Variants in DCPS observed in about 807,000 individuals in gnomAD.
DCPS encodes the protein m7GpppX diphosphatase.
DCPS carries 27 observed loss-of-function variants against 34.7 expected under a neutral mutation model. The observed-to-expected ratio is 0.78, with a 90% confidence interval of 0.57 to 1.07. The LOEUF is 1.07. Ranked by LOEUF, DCPS falls within the 50% of genes least tolerant of loss-of-function variation. The pLI is 0.00. For synonymous variants in DCPS, 185 were observed against 185.7 expected, an observed-to-expected ratio of 1.00 and a Z score of 0.03; for missense variants, 464 against 436.9, an observed-to-expected ratio of 1.06 and a Z score of -0.55.
At chr11:126,324,655 T>C (rs1951728336) in intron 2 of DCPS, among the ~76,000 whole-genome samples, 1 of 124,098 alleles carries the variant, frequency 8.1e-6, no homozygotes, top group South Asian at 2.7e-4. Flanking sequence ...TTTTTTTTTT[T>C]GGTAAAGACG....
At position 126,331,697 on chromosome 11, in the gene DCPS, C is replaced by T. The variant is rs1951795246; in HGVS notation, c.522+147C>T. 2 of 988,562 alleles carry T rather than the reference C, an allele frequency of 2.0e-6. No homozygotes were observed. Among genetic ancestry groups the T allele is most frequent in the Admixed American group, 5.6e-5 (2 of 35,432 alleles). The allele number at this position is 988,562 out of a possible 1,614,324, so 61.2% of individuals were successfully genotyped here. On this transcript the variant is annotated intron_variant, in intron 3 of 5. Transcript: ENST00000263579. This position sits in a 1 kb window ranked among gnomAD's most constrained non-coding sequence, Gnocchi z 7.2. ...AGTAGAGAGCATGGCGGACAGAATC[C>T]CCACCTCGTGCAGCTTACATCCCAT...
In DCPS at chr11:126,331,320, G is replaced by T; in HGVS notation, c.377-85G>T. On this transcript the variant is annotated intron_variant, in intron 2 of 5. Coordinates refer to ENST00000263579, the MANE Select transcript of DCPS (RefSeq NM_014026.6). This position sits in a 1 kb window ranked among gnomAD's most constrained non-coding sequence, Gnocchi z 7.2. ...CTTCCCTCAGGGAATCAAAGCCAGG[G>T]TGGGAGTTCTCTCCTCACCGTGGTG... The T allele has an allele frequency of 6.4e-7, 1 of 1,552,958 alleles. No homozygotes were observed. Among genetic ancestry groups the T allele is most frequent in the Non-Finnish European group, 8.7e-7 (1 of 1,148,126 alleles).
In DCPS at chr11:126,345,454, C is replaced by G. The variant is rs368589401; in HGVS notation, c.855C>G (p.Phe285Leu). ...HLHVHFTALGFEAPGSGVERA... is the reference protein window; with the variant it reads ...HLHVHFTALGLEAPGSGVERA... Reference sequence around the variant, plus strand: ...ATGTGCACTTCACCGCCCTGGGCTTCGAGGCCCCCGGCTCAGGCGTGGAGC... The same window carrying G: ...ATGTGCACTTCACCGCCCTGGGCTTGGAGGCCCCCGGCTCAGGCGTGGAGC... Residue 285 changes from phenylalanine to leucine, a missense_variant, in exon 6 of 6, where the codon TTC becomes TTG. Phe to Leu is a conservative substitution (Grantham distance 22, BLOSUM62 0). Coordinates refer to ENST00000263579, the MANE Select transcript of DCPS (RefSeq NM_014026.6). The surrounding 1 kb of genome is among the most constrained non-coding windows in gnomAD (Gnocchi z 7.4). 1.7e-5 allele frequency: 28 copies of G among 1,614,176 alleles called. No individual in the cohort carries two copies. Among genetic ancestry groups the G allele is most frequent in the Non-Finnish European group, 2.3e-5 (27 of 1,180,022 alleles).
chr11:126,345,434 C>T lies in DCPS; in HGVS notation c.835C>T (p.His279Tyr), dbSNP rs1428588154. The T allele has an allele frequency of 3.7e-6, 6 of 1,614,238 alleles. No individual in the cohort carries two copies. Among genetic ancestry groups the T allele is most frequent in the South Asian group, 1.1e-5 (1 of 91,080 alleles). Residue 279 changes from histidine to tyrosine, a missense_variant, in exon 6 of 6, where the codon CAC becomes TAC. By Grantham distance (83) the His-to-Tyr change is moderately conservative (BLOSUM62 2). Transcript: ENST00000263579. This position sits in a 1 kb window ranked among gnomAD's most constrained non-coding sequence, Gnocchi z 7.4. Reference sequence around the variant, plus strand: ...GCCCTCCTACTACCACCTGCATGTGCACTTCACCGCCCTGGGCTTCGAGGC... The same window carrying T: ...GCCCTCCTACTACCACCTGCATGTGTACTTCACCGCCCTGGGCTTCGAGGC... ...YLPSYYHLHV[H>Y]FTALGFEAPG...
Position 126,331,765 on chromosome 11 carries a change from T to A in DCPS, c.522+215T>A, listed in dbSNP as rs1027910596. ...GTGACCATACACAGATATCTCAGGATCTATGTGCTCTGTGAGATAATGAGG... is the reference window on the plus strand; with the variant it reads ...GTGACCATACACAGATATCTCAGGAACTATGTGCTCTGTGAGATAATGAGG... On this transcript the variant is annotated intron_variant, in intron 3 of 5. Transcript: ENST00000263579. This position sits in a 1 kb window ranked among gnomAD's most constrained non-coding sequence, Gnocchi z 7.2. Among the ~76,000 whole-genome samples the A allele has an allele frequency of 3.9e-5, 6 of 152,072 alleles. No individual in the cohort carries two copies. The highest frequency in any genetic ancestry group is 5.9e-5 in the Non-Finnish European group (4 of 68,022).
chr11:126,315,003 A>C lies in DCPS; in HGVS notation c.376+8259A>C, dbSNP rs1951647345. On this transcript the variant is annotated intron_variant, in intron 2 of 5. Coordinates refer to ENST00000263579, the MANE Select transcript of DCPS (RefSeq NM_014026.6). This position sits in a 1 kb window ranked among gnomAD's most constrained non-coding sequence, Gnocchi z 6.1. ...ATAAAAAAATAAAAAAATTTAAAAA[A>C]ATTGCTCTACCGTAAAGACACATGC... Among the ~76,000 whole-genome samples the C allele has an allele frequency of 6.6e-6, 1 of 152,122 alleles. No homozygotes were observed. The highest frequency in any genetic ancestry group is 2.1e-4 in the South Asian group (1 of 4,830).
intron 2 of DCPS, among the ~76,000 whole-genome samples, chr11:126,316,904 C>T (rs1215058466): frequency 2.7e-5 from 4 of 150,790 alleles, no homozygotes; most frequent in Admixed American, 6.6e-5. Context: ...GATCTGCCCA[C>T]CTCAGCCTGC....
In DCPS at chr11:126,327,710, T is replaced by C. The variant is rs185808365; in HGVS notation, c.377-3695T>C. On this transcript the variant is annotated intron_variant, in intron 2 of 5. Coordinates refer to ENST00000263579, the MANE Select transcript of DCPS (RefSeq NM_014026.6). The surrounding 1 kb of genome is among the most constrained non-coding windows in gnomAD (Gnocchi z 4.1). ...AATATATTGATTTGTATCAGAGAGG[T>C]TTTATTTCATCTGGGACAAAAATGC... Among the ~76,000 whole-genome samples, 1 of 152,138 alleles carries C rather than the reference T, an allele frequency of 6.6e-6. No individual in the cohort carries two copies. Among genetic ancestry groups the C allele is most frequent in the African/African-American group, 2.4e-5 (1 of 41,420 alleles).
intron 5 of DCPS, among the ~76,000 whole-genome samples, chr11:126,343,942 T>TG (rs1198794823): frequency 6.6e-6 from 1 of 152,082 alleles, no homozygotes; most frequent in Admixed American, 6.5e-5. Flanking sequence ...CACGGGGAGA[T>TG]GGGGGAAGAG....
rs1424069137 is a variant in DCPS, at chr11:126,334,598, C to A, written c.522+3048C>A. Among the ~76,000 whole-genome samples the A allele has an allele frequency of 1.3e-5, 2 of 152,280 alleles. No homozygotes were observed. The highest frequency in any genetic ancestry group is 2.1e-4 in the South Asian group (1 of 4,826). The stretch of plus-strand genomic sequence containing the variant: ...ACCTCAAGTGACCTGCCCACCTTGG[C>A]CTCCCAAAGTGCTGGGATTACAGGT... On this transcript the variant is annotated intron_variant, in intron 3 of 5. Coordinates refer to ENST00000263579, the MANE Select transcript of DCPS (RefSeq NM_014026.6). The surrounding 1 kb of genome is among the most constrained non-coding windows in gnomAD (Gnocchi z 5.5).
intron 2 of DCPS, among the ~76,000 whole-genome samples, chr11:126,307,766 C>A (rs1951584544): frequency 6.6e-6 from 1 of 152,192 alleles, no homozygotes; most frequent in Non-Finnish European, 1.5e-5. Context: ...CTTAGGAAAT[C>A]CTTACTATTG....
At position 126,315,855 on chromosome 11, in the gene DCPS, G is replaced by A. The variant is rs771206330; in HGVS notation, c.376+9111G>A. Reference sequence around the variant, plus strand: ...CAGCCTCCCGAGTAGCTGGGATTACGGGTGCCTGCCACCACACCAGGCCAA... The same window carrying A: ...CAGCCTCCCGAGTAGCTGGGATTACAGGTGCCTGCCACCACACCAGGCCAA... On this transcript the variant is annotated intron_variant, in intron 2 of 5. Coordinates refer to ENST00000263579, the MANE Select transcript of DCPS (RefSeq NM_014026.6). This position sits in a 1 kb window ranked among gnomAD's most constrained non-coding sequence, Gnocchi z 6.1. Among the ~76,000 whole-genome samples, 2 of 151,784 alleles carry A rather than the reference G, an allele frequency of 1.3e-5. No individual in the cohort carries two copies. Among genetic ancestry groups the A allele is most frequent in the Admixed American group, 6.6e-5 (1 of 15,244 alleles).
intron 1 of DCPS, 80 bp from the exon 2 acceptor site, chr11:126,306,489 GC>G: frequency 7.1e-7 from 1 of 1,400,098 alleles, no homozygotes; most frequent in Non-Finnish European, 9.5e-7. Flanking sequence ...GAATTCAAAG[GC>G]CCTGGGAGCT....
In DCPS at chr11:126,328,290, C is replaced by T. The variant is rs74847398; in HGVS notation, c.377-3115C>T. 7.2e-5 allele frequency among the ~76,000 whole-genome samples: 11 copies of T among 152,206 alleles called. No homozygotes were observed. In the East Asian group the frequency reaches 1.7e-3, roughly 24 times the overall value. On this transcript the variant is annotated intron_variant, in intron 2 of 5. Coordinates refer to ENST00000263579, the MANE Select transcript of DCPS (RefSeq NM_014026.6). The surrounding 1 kb of genome is among the most constrained non-coding windows in gnomAD (Gnocchi z 6.6). Reference sequence around the variant, plus strand: ...GGAGCAGGGGACAGTTTGAGGGTGGCAGCTCCCACCTCAGTGTGGCCCTGA... The same window carrying T: ...GGAGCAGGGGACAGTTTGAGGGTGGTAGCTCCCACCTCAGTGTGGCCCTGA...
In DCPS at chr11:126,337,075, T is replaced by A. The variant is rs968966385; in HGVS notation, c.523-1211T>A. ...TGTGTGGACCATAAGGCAGTCCCCG[T>A]GCCTCTAGCCTTCGGTGATGCTACC... On this transcript the variant is annotated intron_variant, in intron 3 of 5. Coordinates refer to ENST00000263579, the MANE Select transcript of DCPS (RefSeq NM_014026.6). The surrounding 1 kb of genome is among the most constrained non-coding windows in gnomAD (Gnocchi z 5.3). 1 of 152,252 alleles carries A rather than the reference T, an allele frequency of 6.6e-6. No homozygotes were observed. The highest frequency in any genetic ancestry group is 1.5e-5 in the Non-Finnish European group (1 of 68,086). 9.4% of individuals were successfully genotyped at this position (152,252 alleles called of 1,614,324 possible).
intron 2 of DCPS, among the ~76,000 whole-genome samples, chr11:126,317,876 G>A (rs938615585): frequency 3.3e-5 from 5 of 152,118 alleles, no homozygotes; most frequent in South Asian, 4.1e-4. Context: ...CTGTTCACAC[G>A]GAGCTTTGCA....
rs188798047 is a variant in DCPS at position 126,320,657 on chromosome 11, G to T, written c.377-10748G>T. 6.6e-5 allele frequency among the ~76,000 whole-genome samples: 10 copies of T among 152,202 alleles called. No individual in the cohort carries two copies. The highest frequency in any genetic ancestry group is 2.4e-4 in the African/African-American group (10 of 41,534). On this transcript the variant is annotated intron_variant, in intron 2 of 5. Transcript: ENST00000263579. This position sits in a 1 kb window ranked among gnomAD's most constrained non-coding sequence, Gnocchi z 4.7. ...ATATCTACAAAAAATACAAAAATTA[G>T]CCAGGTGTAGTGGTGTGTGCCTATA...
In DCPS at chr11:126,333,841, C is replaced by T. The variant is rs1232362469; in HGVS notation, c.522+2291C>T. Among the ~76,000 whole-genome samples, 2 of 151,824 alleles carry T rather than the reference C, an allele frequency of 1.3e-5. No individual in the cohort carries two copies. Among genetic ancestry groups the T allele is most frequent in the Non-Finnish European group, 2.9e-5 (2 of 67,996 alleles). ...ACTATTCCATATCTGCTGAATCTCA[C>T]GCTTCAGGGAGTGGAGCTGGGAATT... On this transcript the variant is annotated intron_variant, in intron 3 of 5. Coordinates refer to ENST00000263579, the MANE Select transcript of DCPS (RefSeq NM_014026.6). The surrounding 1 kb of genome is among the most constrained non-coding windows in gnomAD (Gnocchi z 5.7).
At chr11:126,305,036 C>T (rs1298422643) in intron 1 of DCPS, among the ~76,000 whole-genome samples, 1 of 152,212 alleles carries the variant, frequency 6.6e-6, no homozygotes, top group Non-Finnish European at 1.5e-5. Context: ...GGAACTCTCA[C>T]CTTTGGGAGG....
Sources: allele counts gnomAD v4.1 joint callset (sites outside exome capture counted in the v4.1 genomes callset), GRCh38; gene constraint gnomAD v4.1.1; non-coding constraint Gnocchi (gnomAD v3.1); transcripts MANE v1.5; gene names NCBI Gene and HGNC (gene_info 2026-07-23, HGNC 2026-07-21).